PAM: variants seen among roughly 807,000 people sequenced by gnomAD.
PAM encodes peptidyl-glycine alpha-amidating monooxygenase.
PAM carries 72 observed loss-of-function variants against 122.1 expected under a neutral mutation model. That is an observed-to-expected ratio of 0.59 (90% CI 0.49 to 0.72). The LOEUF (loss-of-function observed/expected upper bound fraction) is 0.72. Among genes scored for constraint, PAM ranks in the 30% least tolerant of loss-of-function variants. The pLI, the probability that PAM is intolerant of heterozygous loss-of-function variation, is 0.00. For missense variants in PAM, 1,106 were observed against 1,183.7 expected (o/e 0.93, Z 0.96); for synonymous variants, 389 against 404.4 (o/e 0.96, Z 0.46).
chr5:102,944,652 G>C (rs774355137), intron 7 of PAM, among the ~76,000 whole-genome samples: 15 of 152,070 alleles, frequency 9.9e-5, no homozygotes, highest in African/African-American at 1.7e-4. Context: ...CTTGGGACTG[G>C]TCAAGGAGTG....
In PAM at chr5:102,870,416, G is replaced by A. The variant is rs535855627; in HGVS notation, c.210+3023G>A. Among the ~76,000 whole-genome samples, 9 of 152,234 alleles carry A rather than the reference G, an allele frequency of 5.9e-5. No homozygotes were observed. The South Asian group carries it at 1.9e-3, about 32-fold the overall frequency. On this transcript the variant is annotated intron_variant, in intron 3 of 25. Transcript: ENST00000438793. ...GATAGTGCAACTAACTAATTTTACA[G>A]ATGGAATACAAGCCTAGATTAGTGT... is the stretch of plus-strand genomic sequence containing the variant.
intron 3 of PAM, among the ~76,000 whole-genome samples, chr5:102,893,465 T>G (rs1214916800): frequency 6.6e-6 from 1 of 151,730 alleles, no homozygotes; most frequent in Non-Finnish European, 1.5e-5. Flanking sequence ...AATACTAGTA[T>G]TACAAATATG....
chr5:102,981,413 G>A (rs10515341), intron 15 of PAM, among the ~76,000 whole-genome samples: 39,035 of 152,142 alleles, frequency 0.26, 5,630 homozygotes, highest in East Asian at 0.43. Context: ...CAGCCAATTA[G>A]CATTTTCATT....
chr5:102,827,526 G>A (rs1774029094), intron 1 of PAM, among the ~76,000 whole-genome samples: 1 of 151,944 alleles, frequency 6.6e-6, no homozygotes, highest in African/African-American at 2.4e-5. Flanking sequence ...ATTGAATATT[G>A]TTAAAATATT....
At chr5:102,849,090 T>C (rs73192703) in intron 1 of PAM, among the ~76,000 whole-genome samples, 2,240 of 152,080 alleles carry the variant, frequency 0.015, 49 homozygotes, top group African/African-American at 0.052. Flanking sequence ...GCACCTGAAT[T>C]CTAAACAATA....
chr5:102,877,816 C>T (rs1789703635), intron 3 of PAM, among the ~76,000 whole-genome samples: 1 of 151,908 alleles, frequency 6.6e-6, no homozygotes, highest in Admixed American at 6.6e-5. Flanking sequence ...TTGCATGAGG[C>T]CAGGAGTTTG....
intron 1 of PAM, among the ~76,000 whole-genome samples, chr5:102,831,437 CT>C (rs60621758): frequency 4.3e-4 from 64 of 148,916 alleles, no homozygotes; most frequent in East Asian, 1.4e-3. Context: ...TTTTTTTTTC[CT>C]TTTTTTTTTT....
chr5:102,862,343 C>T lies in PAM; in HGVS notation c.-373-3480C>T, dbSNP rs527706759. Among the ~76,000 whole-genome samples the T allele has an allele frequency of 2.2e-4, 33 of 151,856 alleles. 1 individual carries two copies. In the South Asian group the frequency reaches 6.9e-3, roughly 32 times the overall value. On this transcript the variant is annotated intron_variant, in intron 1 of 25. Coordinates refer to ENST00000438793, the MANE Select transcript of PAM (RefSeq NM_001177306.2). ...TTCAGTTCTTTGCCATTATAAACAT[C>T]CGGGTCTTTGTTATTACGAACAATA...
At chr5:102,984,194 A>T (rs1489656857) in intron 15 of PAM, among the ~76,000 whole-genome samples, 1 of 152,194 alleles carries the variant, frequency 6.6e-6, no homozygotes, top group East Asian at 1.9e-4. Context: ...GCTATACAAA[A>T]CAACCAGAAA....
At chr5:102,890,510 C>T (rs1794496480) in intron 3 of PAM, among the ~76,000 whole-genome samples, 1 of 151,862 alleles carries the variant, frequency 6.6e-6, no homozygotes, top group Non-Finnish European at 1.5e-5. Context: ...TTTAAATACA[C>T]TTTATGTTGC....
intron 1 of PAM, among the ~76,000 whole-genome samples, chr5:102,794,547 G>T (rs975490782): frequency 7.3e-6 from 1 of 137,450 alleles, no homozygotes; most frequent in African/African-American, 2.7e-5. Context: ...ACCAAGGAAG[G>T]TTAGGTGAAA....
chr5:103,010,555 G>A (rs1036017311), intron 21 of PAM, among the ~76,000 whole-genome samples: 1 of 152,100 alleles, frequency 6.6e-6, no homozygotes, highest in African/African-American at 2.4e-5. Flanking sequence ...TGGAGTATAT[G>A]AAATTTAGAA....
At chr5:102,891,186 A>T (rs560162969) in intron 3 of PAM, among the ~76,000 whole-genome samples, 2 of 151,924 alleles carry the variant, frequency 1.3e-5, no homozygotes, top group African/African-American at 4.8e-5. Flanking sequence ...CTGCATACCC[A>T]GTTCCTATGT....
At chr5:102,819,892 C>G (rs1771187819) in intron 1 of PAM, among the ~76,000 whole-genome samples, 1 of 152,138 alleles carries the variant, frequency 6.6e-6, no homozygotes, top group African/African-American at 2.4e-5. Context: ...CTCCTCTCTG[C>G]TGAACACATC....
chr5:102,886,367 G>C (rs1793090473), intron 3 of PAM, among the ~76,000 whole-genome samples: 1 of 151,864 alleles, frequency 6.6e-6, no homozygotes. Context: ...AGTTAATTCA[G>C]GCATATATAA....
intron 1 of PAM, among the ~76,000 whole-genome samples, chr5:102,849,026 A>C (rs528342328): frequency 1.3e-5 from 2 of 152,304 alleles, no homozygotes; most frequent in East Asian, 3.9e-4. Flanking sequence ...CCTCCAGAGA[A>C]TGGAGAGAGA....
At chr5:102,825,684 G>A (rs540285571) in intron 1 of PAM, among the ~76,000 whole-genome samples, 38 of 152,044 alleles carry the variant, frequency 2.5e-4, no homozygotes, top group African/African-American at 7.2e-4. Context: ...GATTCTATCC[G>A]TACAAAAATG....
At chr5:102,780,272 A>G (rs1758360739) in intron 1 of PAM, among the ~76,000 whole-genome samples, 1 of 152,096 alleles carries the variant, frequency 6.6e-6, no homozygotes. Context: ...ATATGCCCCG[A>G]GGATCAGGGA....
chr5:102,925,524 G>T (rs1254446200), intron 6 of PAM, among the ~76,000 whole-genome samples: 1 of 152,074 alleles, frequency 6.6e-6, no homozygotes, highest in Non-Finnish European at 1.5e-5. Flanking sequence ...TTATTACCTG[G>T]ATATTTCTTA....
Sources: gnomAD v4.1 joint callset for allele counts (sites outside exome capture counted in the v4.1 genomes callset) on GRCh38, gnomAD v4.1.1 for gene constraint, MANE v1.5 for transcripts, NCBI Gene and HGNC (gene_info 2026-07-23, HGNC 2026-07-21) for gene names.